The following NRXN3 variants were observed in gnomAD, a reference collection of about 807,000 sequenced individuals.
NRXN3 encodes the protein neurexin III.
NRXN3 carries 32 observed loss-of-function variants against 137.6 expected under a neutral mutation model. The ratio of observed to expected loss-of-function variants is 0.23; its 90% confidence interval spans 0.18 to 0.31. NRXN3 has a LOEUF of 0.31. NRXN3 is among the 10% of genes least tolerant of loss of function. The pLI is 1.00. For synonymous variants in NRXN3, 798 were observed against 784.5 expected (o/e 1.02, Z -0.29); for missense variants, 1,574 against 2,062.5 (o/e 0.76, Z 4.59).
At chr14:78,624,029 A>G (rs1161389049) in intron 4 of NRXN3, among the ~76,000 whole-genome samples, 1 of 152,236 alleles carries the variant, frequency 6.6e-6, no homozygotes, top group African/African-American at 2.4e-5. Context: ...TTGTTACCCA[A>G]TGAACATGAT....
chr14:79,221,120 A>G (rs1414164668), intron 15 of NRXN3, among the ~76,000 whole-genome samples: 2 of 152,084 alleles, frequency 1.3e-5, no homozygotes, highest in South Asian at 2.1e-4. Flanking sequence ...TCCATGGTGT[A>G]TATGTGCCAC....
At chr14:78,416,670 G>A (rs2093157284) in intron 4 of NRXN3, among the ~76,000 whole-genome samples, 1 of 152,212 alleles carries the variant, frequency 6.6e-6, no homozygotes, top group Non-Finnish European at 1.5e-5. Flanking sequence ...ACTAATGCAT[G>A]CCATTGGCTT....
chr14:78,406,839 A>T (rs2092517705), intron 4 of NRXN3, among the ~76,000 whole-genome samples: 1 of 152,120 alleles, frequency 6.6e-6, no homozygotes, highest in Non-Finnish European at 1.5e-5. Flanking sequence ...AAATCAGTGA[A>T]CTGGTAGGGT....
intron 2 of NRXN3, among the ~76,000 whole-genome samples, chr14:78,260,860 C>T (rs1353858073): frequency 1.3e-5 from 2 of 152,130 alleles, no homozygotes; most frequent in African/African-American, 2.4e-5. Context: ...ATACACAAGT[C>T]TTATGATTTA....
intron 4 of NRXN3, among the ~76,000 whole-genome samples, chr14:78,431,457 A>G (rs746230989): frequency 6.6e-6 from 1 of 152,224 alleles, no homozygotes; most frequent in Non-Finnish European, 1.5e-5. Context: ...GCTGAGGATC[A>G]GGGAAGGTTC....
At chr14:79,057,820 G>A (rs1280246913) in intron 15 of NRXN3, among the ~76,000 whole-genome samples, 2 of 152,104 alleles carry the variant, frequency 1.3e-5, no homozygotes, top group Non-Finnish European at 2.9e-5. Flanking sequence ...GGCAAGTTTG[G>A]CAGGAAAGGG....
intron 16 of NRXN3, among the ~76,000 whole-genome samples, chr14:79,544,622 A>T (rs1437079363): frequency 3.9e-5 from 6 of 151,980 alleles, no homozygotes; most frequent in Non-Finnish European, 7.4e-5. Context: ...AGCTCTCCTA[A>T]GACACTGGTT....
In NRXN3 at chr14:78,499,209, A is replaced by G. The variant is rs1344543651; in HGVS notation, c.758-145911A>G. Among the ~76,000 whole-genome samples, 4 of 152,178 alleles carry G rather than the reference A, an allele frequency of 2.6e-5. No individual in the cohort carries two copies. The East Asian group carries it at 7.7e-4, about 29-fold the overall frequency. On this transcript the variant is annotated intron_variant, in intron 4 of 20. Transcript: ENST00000335750. ...ATAATGTCATTATAAAGGTGCAACT[A>G]GATCATGTTTATGAAGGTAGGTAAT...
At chr14:79,339,279 G>T (rs186873150) in intron 15 of NRXN3, among the ~76,000 whole-genome samples, 4 of 152,300 alleles carry the variant, frequency 2.6e-5, no homozygotes, top group Admixed American at 2.6e-4. Context: ...ATTCTAAGCT[G>T]TATAGAGTTG....
rs562338297 is a variant in NRXN3 at position 78,508,136 on chromosome 14, T to C, written c.758-136984T>C. Among the ~76,000 whole-genome samples the C allele has an allele frequency of 1.8e-3, 276 of 152,316 alleles. 1 individual carries two copies. The highest frequency in any genetic ancestry group is 3.0e-3 in the Admixed American group (46 of 15,286). ...TGTCAATCTCAGGTAGGAAACCATA[T>C]GCTCTTCTAGCATGAAATGCTGAAA... On this transcript the variant is annotated intron_variant, in intron 4 of 20. Coordinates refer to ENST00000335750, the MANE Select transcript of NRXN3 (RefSeq NM_001330195.2).
intron 20 of NRXN3, among the ~76,000 whole-genome samples, chr14:79,811,546 C>A (rs28724578): frequency 0.1 from 15,063 of 150,746 alleles, 1,048 homozygotes; most frequent in African/African-American, 0.19. Context: ...GTTAACCCAC[C>A]AAGTTATTTC....
At chr14:78,767,224 C>T (rs955805447) in intron 8 of NRXN3, among the ~76,000 whole-genome samples, 3 of 152,250 alleles carry the variant, frequency 2.0e-5, no homozygotes, top group Middle Eastern at 3.4e-3. Flanking sequence ...AGACTGAGGC[C>T]CTCAGCTTGT....
chr14:79,585,697 A>AAC lies in NRXN3; in HGVS notation c.3445-78080_3445-78079insCA, dbSNP rs1233544906. On this transcript the variant is annotated intron_variant, in intron 16 of 20. Coordinates refer to ENST00000335750, the MANE Select transcript of NRXN3 (RefSeq NM_001330195.2). ...AGACTCCATCTTAAAAAAAAAACAA[A>AAC]AAAAAAAAAAACCAACTTTGATAAA... is the stretch of plus-strand genomic sequence containing the variant. Among the ~76,000 whole-genome samples the AAC allele has an allele frequency of 2.8e-4, 42 of 149,818 alleles. 1 individual carries two copies. Among genetic ancestry groups the AAC allele is most frequent in the African/African-American group, 9.3e-4 (37 of 39,920 alleles).
intron 4 of NRXN3, among the ~76,000 whole-genome samples, chr14:78,392,356 A>G (rs1416441280): frequency 6.6e-6 from 1 of 152,230 alleles, no homozygotes; most frequent in Non-Finnish European, 1.5e-5. Flanking sequence ...CGTAAGCCCT[A>G]AAAGTTGATA....
chr14:79,114,129 C>A (rs1005658405), intron 15 of NRXN3, among the ~76,000 whole-genome samples: 2 of 152,144 alleles, frequency 1.3e-5, no homozygotes, highest in African/African-American at 2.4e-5. Flanking sequence ...TGGTCAATGT[C>A]TGGAGATGTG....
chr14:79,839,630 A>C (rs867776776), intron 20 of NRXN3, among the ~76,000 whole-genome samples: 5 of 152,128 alleles, frequency 3.3e-5, no homozygotes, highest in Non-Finnish European at 4.4e-5. Flanking sequence ...TTTAGTGTGC[A>C]GAAGGTTTTT....
intron 15 of NRXN3, among the ~76,000 whole-genome samples, chr14:79,136,548 A>C (rs974590212): frequency 6.6e-6 from 1 of 152,256 alleles, no homozygotes; most frequent in Non-Finnish European, 1.5e-5. Flanking sequence ...GAATGGATTA[A>C]AAGATAATAG....
rs2098371548 is a variant in NRXN3, at chr14:79,633,003, C to T, written c.3445-30775C>T. 2.0e-5 allele frequency among the ~76,000 whole-genome samples: 3 copies of T among 152,114 alleles called. No individual in the cohort carries two copies. In the South Asian group the frequency reaches 6.2e-4, roughly 32 times the overall value. ...TGCAGCAGATGTTATTACCATGATA[C>T]TGCAAATAAGAAAACTGAGAAATAG... is the stretch of plus-strand genomic sequence containing the variant. On this transcript the variant is annotated intron_variant, in intron 16 of 20. Transcript: ENST00000335750.
chr14:78,392,604 A>G (rs1192993910), intron 4 of NRXN3, among the ~76,000 whole-genome samples: 1 of 152,200 alleles, frequency 6.6e-6, no homozygotes, highest in Admixed American at 6.6e-5. Context: ...AATGAGGATG[A>G]TAATAGCATC....
Sources: allele counts gnomAD v4.1 joint callset (sites outside exome capture counted in the v4.1 genomes callset), GRCh38; gene constraint gnomAD v4.1.1; transcripts MANE v1.5; gene names NCBI Gene and HGNC (gene_info 2026-07-23, HGNC 2026-07-21).